The following SS18L2 variants were observed in gnomAD, a reference collection of about 807,000 sequenced individuals.
SS18L2 encodes the protein SS18 like 2.
A neutral mutation model predicts 10.3 loss-of-function variants in SS18L2; 8 were observed. The ratio of observed to expected loss-of-function variants is 0.78; its 90% confidence interval spans 0.46 to 1.41. The LOEUF is 1.41. SS18L2 is among the 40% of genes most tolerant of loss of function. The pLI, the probability that SS18L2 is intolerant of heterozygous loss-of-function variation, is 0.00. For missense variants in SS18L2, 100 were observed against 96.2 expected (o/e 1.04, Z -0.17); for synonymous variants, 41 against 34.6 (o/e 1.19, Z -0.65).
chr3:42,582,904 T>C (rs1704472722), intron 1 of SS18L2, among the ~76,000 whole-genome samples: 1 of 152,322 alleles, frequency 6.6e-6, no homozygotes, highest in African/African-American at 2.4e-5. Context: ...GTACAGAATT[T>C]CAGCTGGAGA....
At chr3:42,593,801 T>C (rs1264016223) in intron 2 of SS18L2, among the ~76,000 whole-genome samples, 2 of 152,100 alleles carry the variant, frequency 1.3e-5, no homozygotes, top group African/African-American at 4.8e-5. Context: ...TAAGGTGATA[T>C]TTGAGTAGAG....
At position 42,590,914 on chromosome 3, in the gene SS18L2, T is replaced by A; in HGVS notation, c.17T>A (p.Val6Glu). 6.6e-7 allele frequency: 1 copy of A among 1,509,604 alleles called. No individual in the cohort carries two copies. The highest frequency in any genetic ancestry group is 8.9e-7 in the Non-Finnish European group (1 of 1,119,142). 93.5% of individuals were successfully genotyped at this position (1,509,604 alleles called of 1,614,324 possible). MSVAF[V>E]PDWLRGKAEV... ...TTCCTCGGGATGTCGGTGGCCTTCG[T>A]ACCGGACTGGCTGAGGGGCAAGGCG... is the stretch of plus-strand genomic sequence containing the variant. Residue 6 changes from valine to glutamate, a missense_variant, in exon 1 of 3, where the codon GTA becomes GAA. Physicochemically the swap from Val to Glu is moderately radical, Grantham distance 121. Coordinates refer to ENST00000011691, the MANE Select transcript of SS18L2 (RefSeq NM_001370300.1).
chr3:42,589,713 C>T (rs1417619231), upstream of SS18L2, among the ~76,000 whole-genome samples: 2 of 152,190 alleles, frequency 1.3e-5, no homozygotes, highest in Non-Finnish European at 2.9e-5. Context: ...AATCTAATGC[C>T]TGCTGATGTG....
upstream of SS18L2, among the ~76,000 whole-genome samples, chr3:42,590,491 G>A (rs572121027): frequency 6.6e-6 from 1 of 152,260 alleles, no homozygotes; most frequent in South Asian, 2.1e-4. Context: ...GACGGGCGTG[G>A]TGGCGGGCGC....
intron 2 of SS18L2, among the ~76,000 whole-genome samples, chr3:42,591,840 C>T (rs1160152528): frequency 6.6e-6 from 1 of 152,192 alleles, no homozygotes; most frequent in Non-Finnish European, 1.5e-5. Context: ...CACTGCAAAG[C>T]CTCCTTCACT....
In SS18L2 at chr3:42,582,080, C is replaced by T. The variant is rs376037362; in HGVS notation, c.-90+122C>T. ...AATCCCGGCGCGCCTCCACAGCCCC[C>T]GTCCCGGCGAAGGCGCGAACGTAGT... On this transcript the variant is annotated intron_variant, in intron 1 of 3. Coordinates refer to the SS18L2 transcript ENST00000447630. 9.2e-5 allele frequency: 14 copies of T among 152,390 alleles called. No individual in the cohort carries two copies. In the South Asian group the frequency reaches 1.7e-3, roughly 18 times the overall value. The allele number at this position is 152,390 out of a possible 1,614,324, so 9.4% of individuals were successfully genotyped here.
chr3:42,583,340 T>C (rs747659697), intron 1 of SS18L2, among the ~76,000 whole-genome samples: 6 of 152,110 alleles, frequency 3.9e-5, no homozygotes, highest in Non-Finnish European at 8.8e-5. Flanking sequence ...CAGAGAAATG[T>C]AGGAGCAAAA....
At chr3:42,594,195 T>C (rs1014496862) in intron 2 of SS18L2, among the ~76,000 whole-genome samples, 2 of 152,252 alleles carry the variant, frequency 1.3e-5, no homozygotes, top group African/African-American at 4.8e-5. Context: ...AGGTGTCTAC[T>C]GCAATAGTTC....
In SS18L2 at chr3:42,583,140, A is replaced by T. The variant is rs1395903144; in HGVS notation, c.-90+1182A>T. ...GGACCATAGTGGAAAGTTTAGGACC[A>T]TAGAACACTGGTCAAAATTGCATTT... On this transcript the variant is annotated intron_variant, in intron 1 of 3. Transcript: ENST00000447630. 3.3e-5 allele frequency among the ~76,000 whole-genome samples: 5 copies of T among 152,364 alleles called. No individual in the cohort carries two copies. The East Asian group carries it at 9.6e-4, about 29-fold the overall frequency.
intron 2 of SS18L2, among the ~76,000 whole-genome samples, chr3:42,592,310 C>T (rs1036034181): frequency 4.6e-5 from 7 of 152,016 alleles, no homozygotes; most frequent in Admixed American, 2.0e-4. Flanking sequence ...AAGCAATTCT[C>T]GTGCCTCAGC....
At chr3:42,592,166 G>A (rs753869379) in intron 2 of SS18L2, among the ~76,000 whole-genome samples, 1 of 151,930 alleles carries the variant, frequency 6.6e-6, no homozygotes, top group Non-Finnish European at 1.5e-5. Context: ...TCTCTTTTCC[G>A]AATCTAGTCC....
rs1331967536 is a variant in SS18L2, at chr3:42,590,965, G to A, written c.68G>A (p.Arg23Gln). 3.1e-6 allele frequency: 5 copies of A among 1,608,216 alleles called. No homozygotes were observed. The South Asian group carries it at 4.4e-5, about 14-fold the overall frequency. Residue 23 changes from arginine to glutamine, a missense_variant and splice_region_variant, in exon 1 of 3, where the codon CGG becomes CAG. Physicochemically the swap from Arg to Gln is conservative, Grantham distance 43 (BLOSUM62 1). Coordinates refer to ENST00000011691, the MANE Select transcript of SS18L2 (RefSeq NM_001370300.1). ...GAAGTCAATCAAGAGACTATCCAGC[G>A]GGTGAGCATCCACGCGGGCGGGCGG... ...KAEVNQETIQ[R>Q]LLEENDQLIR...
At chr3:42,593,284 G>A (rs1704916616) in intron 2 of SS18L2, among the ~76,000 whole-genome samples, 1 of 152,128 alleles carries the variant, frequency 6.6e-6, no homozygotes, top group Admixed American at 6.5e-5. Flanking sequence ...GCCAGGCGTG[G>A]TGTGTGCCTG....
rs116919996 is a variant in SS18L2, at chr3:42,593,815, T to C, written c.147-607T>C. 5.0e-3 allele frequency among the ~76,000 whole-genome samples: 766 copies of C among 152,240 alleles called. 24 individuals carry two copies. In the East Asian group the frequency reaches 0.09, roughly 18 times the overall value. ...ATAAGGTGATATTTGAGTAGAGACCTGGGGTAAGGGAGCCAGCTATGCAGT... is the reference window on the plus strand; with the variant it reads ...ATAAGGTGATATTTGAGTAGAGACCCGGGGTAAGGGAGCCAGCTATGCAGT... On this transcript the variant is annotated intron_variant, in intron 2 of 2. Coordinates refer to ENST00000011691, the MANE Select transcript of SS18L2 (RefSeq NM_001370300.1).
chr3:42,586,493 C>T (rs1297557009), upstream of SS18L2, among the ~76,000 whole-genome samples: 2 of 151,718 alleles, frequency 1.3e-5, no homozygotes, highest in East Asian at 3.9e-4. Context: ...AAAGTGCTGG[C>T]ATTACAGGTG....
At chr3:42,584,266 T>G (rs1264818730) in intron 1 of SS18L2, among the ~76,000 whole-genome samples, 3 of 152,144 alleles carry the variant, frequency 2.0e-5, no homozygotes, top group African/African-American at 7.2e-5. Flanking sequence ...GAACACAGAC[T>G]TTTTTTGAGG....
At chr3:42,582,494 G>T (rs1704450421) in intron 1 of SS18L2, among the ~76,000 whole-genome samples, 1 of 152,274 alleles carries the variant, frequency 6.6e-6, no homozygotes, top group Non-Finnish European at 1.5e-5. Context: ...TGGATGACTG[G>T]CTGGAAGGAG....
chr3:42,591,049 T>C (rs1324098928), intron 1 of SS18L2, 83 bp downstream of exon 1: 4 of 1,447,126 alleles, frequency 2.8e-6, no homozygotes, highest in Non-Finnish European at 3.8e-6. Context: ...CATCCTGTAG[T>C]GAGCGGCCTC....
In SS18L2 at chr3:42,595,765, C is replaced by T. The variant is rs553644242; in HGVS notation, c.*1256C>T. Reference sequence around the variant, plus strand: ...CTTTTTTTGGAGTCAAGGGTTGCAACCTAGGGCAACTGTAAAATACATGTA... The same window carrying T: ...CTTTTTTTGGAGTCAAGGGTTGCAATCTAGGGCAACTGTAAAATACATGTA... On this transcript the variant is annotated 3_prime_UTR_variant, in exon 3 of 3. Transcript: ENST00000011691. 2.0e-5 allele frequency among the ~76,000 whole-genome samples: 3 copies of T among 152,294 alleles called. No individual in the cohort carries two copies. Among genetic ancestry groups the T allele is most frequent in the African/African-American group, 4.8e-5 (2 of 41,556 alleles).
Sources: gnomAD v4.1 joint callset for allele counts (sites outside exome capture counted in the v4.1 genomes callset) on GRCh38, gnomAD v4.1.1 for gene constraint, MANE v1.5 for transcripts, NCBI Gene and HGNC (gene_info 2026-07-23, HGNC 2026-07-21) for gene names.